UPP2: variants seen among roughly 807,000 people sequenced by gnomAD.
UPP2 encodes the protein uridine phosphorylase 2.
In UPP2, 23 loss-of-function variants were observed where a neutral mutation model predicts 26.7. The ratio of observed to expected loss-of-function variants is 0.86; its 90% CI spans 0.62 to 1.22. The LOEUF (loss-of-function observed/expected upper bound fraction) is 1.22. UPP2 is among the 50% of genes most tolerant of loss of function. The pLI is 0.00. For synonymous variants in UPP2, 127 were observed against 141.3 expected, an observed-to-expected ratio of 0.90 and a Z score of 0.72; for missense variants, 387 against 396.7, an observed-to-expected ratio of 0.98 and a Z score of 0.21.
intron 3 of UPP2, among the ~76,000 whole-genome samples, chr2:158,065,072 G>A (rs998657382): frequency 4.6e-5 from 7 of 152,160 alleles, no homozygotes; most frequent in African/African-American, 1.4e-4. Flanking sequence ...TGAGATCGAC[G>A]CAGTAGGCCA....
At chr2:158,068,808 T>A (rs1258590224) in intron 3 of UPP2, among the ~76,000 whole-genome samples, 421 of 39,020 alleles carry the variant, frequency 0.011, no homozygotes, top group East Asian at 0.041. Flanking sequence ...ATATATTTTT[T>A]TTTTTTTTTT....
chr2:158,115,596 C>A (rs1220408568), intron 3 of UPP2, among the ~76,000 whole-genome samples: 2 of 152,194 alleles, frequency 1.3e-5, no homozygotes, highest in Non-Finnish European at 2.9e-5. Context: ...GAATGTTGAG[C>A]TTTTAGTACA....
intron 2 of UPP2, among the ~76,000 whole-genome samples, chr2:158,002,028 G>T (rs1220502063): frequency 6.7e-6 from 1 of 150,010 alleles, no homozygotes; most frequent in African/African-American, 2.4e-5. Context: ...GTACTCATAT[G>T]GAAGGAGGCT....
chr2:158,059,045 G>A (rs1682308810), intron 3 of UPP2, among the ~76,000 whole-genome samples: 1 of 152,158 alleles, frequency 6.6e-6, no homozygotes, highest in African/African-American at 2.4e-5. Context: ...AGGTCAAAGC[G>A]AAGGGCTTTG....
chr2:158,030,314 A>G (rs1452128256), intron 3 of UPP2, among the ~76,000 whole-genome samples: 1 of 152,242 alleles, frequency 6.6e-6, no homozygotes, highest in Non-Finnish European at 1.5e-5. Context: ...AAGTAATTTA[A>G]TTAACAAATT....
intron 3 of UPP2, among the ~76,000 whole-genome samples, chr2:158,068,768 A>ATATATATATATATG (rs1682478410): frequency 2.5e-4 from 1 of 4,016 alleles, no homozygotes; most frequent in Non-Finnish European, 4.9e-4. Context: ...AAATTCAAAT[A>ATATATATATATATG]TATATATATA....
intron 6 of UPP2, among the ~76,000 whole-genome samples, chr2:158,124,452 C>G (rs1167566268): frequency 6.6e-6 from 1 of 152,108 alleles, no homozygotes; most frequent in African/African-American, 2.4e-5. Flanking sequence ...TTGTGTAGGA[C>G]ACTGTGAGAA....
intron 3 of UPP2, among the ~76,000 whole-genome samples, chr2:158,058,359 G>A (rs1489873591): frequency 1.2e-5 from 1 of 86,010 alleles, no homozygotes; most frequent in East Asian, 2.4e-4. Flanking sequence ...GGGAGCAAGG[G>A]AGCATGCTTG....
At chr2:158,037,149 T>C (rs2052031) in intron 3 of UPP2, among the ~76,000 whole-genome samples, 83,213 of 151,664 alleles carry the variant, frequency 0.55, 24,516 homozygotes, top group East Asian at 0.95. Context: ...CTAAGGTGGG[T>C]GAATAACGAG....
chr2:158,117,899 G>A lies in UPP2; in HGVS notation c.415G>A (p.Asp139Asn), dbSNP rs901825125. 37 of 1,612,772 alleles carry A rather than the reference G, an allele frequency of 2.3e-5. No homozygotes were observed. Among genetic ancestry groups the A allele is most frequent in the East Asian group, 6.7e-5 (3 of 44,878 alleles). Residue 139 changes from aspartate (D) to asparagine (N), a missense_variant, in exon 4 of 7, where the codon GAT (aspartate) becomes AAT (asparagine). By Grantham distance (23) the Asp-to-Asn change is conservative. Coordinates refer to ENST00000005756, the MANE Select transcript of UPP2 (RefSeq NM_173355.4). ...IKLLHHARCC[D>N]VTIIRIGTSG... ...ATTACTCCACCATGCACGGTGCTGC[G>A]ATGTCACCATTATTAGAATCGGTAC...
chr2:158,066,930 T>A (rs1299828194), intron 3 of UPP2, among the ~76,000 whole-genome samples: 1 of 152,168 alleles, frequency 6.6e-6, no homozygotes, highest in Non-Finnish European at 1.5e-5. Flanking sequence ...AAATATTTTT[T>A]AAAGGTAGAG....
At chr2:158,100,550 T>C (rs974601724), upstream of UPP2, among the ~76,000 whole-genome samples, 1 of 152,294 alleles carries the variant, frequency 6.6e-6, no homozygotes, top group South Asian at 2.1e-4. Context: ...TGAGTGAGTA[T>C]GTTGAGTCTC....
chr2:158,041,338 T>C (rs932887801), intron 3 of UPP2, among the ~76,000 whole-genome samples: 7 of 152,230 alleles, frequency 4.6e-5, no homozygotes, highest in African/African-American at 7.2e-5. Context: ...ATGAATTAAA[T>C]GTTGATTTTT....
In UPP2 at chr2:158,000,150, GTCTCCTGGGTTCAAGTGAT is replaced by G. The variant is rs1189983255; in HGVS notation, c.61+4918_61+4936del. On this transcript the variant is annotated intron_variant, in intron 2 of 9. Coordinates refer to the UPP2 transcript ENST00000605860. ...GCGATCTCGGCTCACTGCAACCTCT[GTCTCCTGGGTTCAAGTGAT>G]TCTCCTGGGTTCAAGTGATTCTCCT... Among the ~76,000 whole-genome samples, 27 of 151,404 alleles carry G rather than the reference GTCTCCTGGGTTCAAGTGAT, an allele frequency of 1.8e-4. 1 individual carries two copies. The highest frequency in any genetic ancestry group is 8.6e-4 in the Admixed American group (13 of 15,178).
intron 3 of UPP2, among the ~76,000 whole-genome samples, chr2:158,077,409 T>C (rs921522083): frequency 1.3e-5 from 2 of 152,102 alleles, no homozygotes; most frequent in Non-Finnish European, 2.9e-5. Context: ...AGAGCTATCA[T>C]AACCAAAACA....
chr2:158,123,663 T>C, intron 5 of UPP2, 86 bp from the exon 6 acceptor site: 1 of 1,502,930 alleles, frequency 6.7e-7, no homozygotes, highest in South Asian at 1.3e-5. Flanking sequence ...AGCGGCAGCG[T>C]GCTCCAGCCA....
At chr2:158,063,535 C>A (rs1399889950) in intron 3 of UPP2, among the ~76,000 whole-genome samples, 1 of 152,180 alleles carries the variant, frequency 6.6e-6, no homozygotes, top group African/African-American at 2.4e-5. Context: ...TCTCTGCCTC[C>A]TGCCCTGCAG....
intron 3 of UPP2, among the ~76,000 whole-genome samples, chr2:158,073,418 T>C (rs1430850044): frequency 6.6e-6 from 1 of 152,048 alleles, no homozygotes; most frequent in Non-Finnish European, 1.5e-5. Flanking sequence ...GAGTAGAAAG[T>C]TTATTCAAAG....
intron 5 of UPP2, among the ~76,000 whole-genome samples, chr2:158,123,108 C>T (rs1223150620): frequency 6.6e-6 from 1 of 152,082 alleles, no homozygotes; most frequent in Non-Finnish European, 1.5e-5. Flanking sequence ...GCACAGGGTA[C>T]GGAAGGAGTA....
Sources: allele counts gnomAD v4.1 joint callset (sites outside exome capture counted in the v4.1 genomes callset), GRCh38; gene constraint gnomAD v4.1.1; transcripts MANE v1.5; gene names NCBI Gene and HGNC (gene_info 2026-07-23, HGNC 2026-07-21).